The following RASSF8 variants were observed in gnomAD, a reference collection of about 807,000 sequenced individuals.
RASSF8 encodes the protein ras association domain-containing protein 8.
In RASSF8, 22 loss-of-function variants were observed where a neutral mutation model predicts 48.5. The observed-to-expected ratio is 0.45, with a 90% CI of 0.32 to 0.65. The LOEUF (loss-of-function observed/expected upper bound fraction) is 0.65, where lower values mean the gene tolerates loss of function less well. RASSF8 is among the 30% of genes least tolerant of loss of function. RASSF8 has a pLI of 0.03. For missense variants in RASSF8, 418 were observed against 489.2 expected (o/e 0.85, Z 1.37); for synonymous variants, 127 against 171.5 (o/e 0.74, Z 2.03).
rs114636408 is a variant in RASSF8, at chr12:26,067,179, G to A, written c.994-390G>A. On this transcript the variant is annotated intron_variant, in intron 4 of 5. Coordinates refer to ENST00000689635, the MANE Select transcript of RASSF8 (RefSeq NM_001394098.1). ...AGCAAGATTGCTGCAACACAGAGAT[G>A]GGTAAAAACCTGTGGGGTTTTTTCT... Among the ~76,000 whole-genome samples the A allele has an allele frequency of 1.8e-3, 272 of 152,322 alleles. 1 individual carries two copies. The highest frequency in any genetic ancestry group is 6.3e-3 in the African/African-American group (263 of 41,580).
Position 26,069,754 on chromosome 12 carries a change from C to G in RASSF8, c.*936C>G, listed in dbSNP as rs1226874087. The G allele has an allele frequency of 1.0e-6, 1 of 985,122 alleles. No individual in the cohort carries two copies. Among genetic ancestry groups the G allele is most frequent in the African/African-American group, 1.7e-5 (1 of 57,200 alleles). The allele number at this position is 985,122 out of a possible 1,614,324, so 61.0% of individuals were successfully genotyped here. A position where few individuals can be genotyped will look rare whatever the true frequency, so the allele number is the denominator to read the frequency against. ...CTTTAAGTGATGTATTTTAAAATAA[C>G]CCGCTTCATATGTATGATCTGTTGG... is the stretch of plus-strand genomic sequence containing the variant. On this transcript the variant is annotated 3_prime_UTR_variant, in exon 6 of 6. Coordinates refer to ENST00000689635, the MANE Select transcript of RASSF8 (RefSeq NM_001394098.1).
rs1291880035 is a variant in RASSF8, at chr12:26,064,846, T to G, written c.452T>G (p.Phe151Cys). 20 of 1,614,012 alleles carry G rather than the reference T, an allele frequency of 1.2e-5. No individual in the cohort carries two copies. Among genetic ancestry groups the G allele is most frequent in the Non-Finnish European group, 1.7e-5 (20 of 1,180,018 alleles). The change falls in exon 4 of 6, where the codon TTT becomes TGT. Residue 151 changes from phenylalanine to cysteine, a missense_variant. By Grantham distance (205) the Phe-to-Cys change is radical. Coordinates refer to ENST00000689635, the MANE Select transcript of RASSF8 (RefSeq NM_001394098.1). ...DIFGKGKETE[F>C]KQKVLNNCKT... Reference sequence around the variant, plus strand: ...TTTGGAAAAGGTAAAGAAACTGAGTTTAAGCAAAAGGTGCTGAATAACTGC... The same window carrying G: ...TTTGGAAAAGGTAAAGAAACTGAGTGTAAGCAAAAGGTGCTGAATAACTGC...
intron 2 of RASSF8, among the ~76,000 whole-genome samples, chr12:26,049,951 A>AT (rs1378904113): frequency 1.3e-5 from 2 of 152,004 alleles, no homozygotes; most frequent in Non-Finnish European, 2.9e-5. Flanking sequence ...CGCCCGGCTA[A>AT]TTTTTTGTAT....
intron 2 of RASSF8, among the ~76,000 whole-genome samples, chr12:26,009,075 A>T (rs1050963325): frequency 1.3e-5 from 2 of 152,180 alleles, no homozygotes; most frequent in East Asian, 3.8e-4. Flanking sequence ...AGCATTCCCA[A>T]GTTTCAAGTT....
chr12:26,011,299 T>TA (rs1942518581), intron 2 of RASSF8, among the ~76,000 whole-genome samples: 1 of 152,168 alleles, frequency 6.6e-6, no homozygotes, highest in Admixed American at 6.5e-5. Context: ...AGGTACTGAC[T>TA]GTAGCCAGGA....
intron 1 of RASSF8, among the ~76,000 whole-genome samples, chr12:25,971,406 T>G (rs1274514471): frequency 2.0e-5 from 3 of 152,182 alleles, no homozygotes; most frequent in Non-Finnish European, 4.4e-5. Flanking sequence ...TTTGGCCTCC[T>G]GAACTAACAT....
intron 2 of RASSF8, among the ~76,000 whole-genome samples, chr12:26,015,308 C>G (rs1484031701): frequency 6.6e-6 from 1 of 151,964 alleles, no homozygotes; most frequent in Non-Finnish European, 1.5e-5. Context: ...TTGAGGAGCA[C>G]TTTGTCATGG....
rs1015042159 is a variant in RASSF8, at chr12:25,998,325, A to G, written c.-109+3195A>G. ...TTAGATATCTTTCACAAAGGACTGT[A>G]GAATATTGTTTCTGAAGACAAAGCT... On this transcript the variant is annotated intron_variant, in intron 2 of 5. Transcript: ENST00000689635. Among the ~76,000 whole-genome samples the G allele has an allele frequency of 5.9e-5, 9 of 151,686 alleles. No individual in the cohort carries two copies. In the South Asian group the frequency reaches 1.9e-3, roughly 32 times the overall value.
chr12:25,966,256 A>C (rs1287128044), intron 1 of RASSF8, among the ~76,000 whole-genome samples: 2 of 151,826 alleles, frequency 1.3e-5, no homozygotes, highest in Non-Finnish European at 2.9e-5. Flanking sequence ...TAAAATTTTT[A>C]TTTTTTTAAT....
In RASSF8 at chr12:25,958,894, C is replaced by G. The variant is rs1341416826; in HGVS notation, c.-457C>G. The G allele has an allele frequency of 2.7e-5, 4 of 147,030 alleles. No individual in the cohort carries two copies. The South Asian group carries it at 8.3e-4, about 30-fold the overall frequency. The allele number at this position is 147,030 out of a possible 1,614,324, so 9.1% of individuals were successfully genotyped here. ...GTCTCTGCCGCTGGCCGAGCGCTCG[C>G]GCACCGCGGCACCCCCGCCAGTGGC... On this transcript the variant is annotated 5_prime_UTR_variant, in exon 1 of 6. Transcript: ENST00000689635.
At chr12:25,978,979 G>T (rs1264314842) in intron 1 of RASSF8, among the ~76,000 whole-genome samples, 1 of 152,118 alleles carries the variant, frequency 6.6e-6, no homozygotes, top group African/African-American at 2.4e-5. Flanking sequence ...AGTACTTCAT[G>T]CTAGTTAAAT....
chr12:26,067,829 T>TA, intron 5 of RASSF8, 116 bp downstream of exon 5: 1 of 1,320,968 alleles, frequency 7.6e-7, no homozygotes, highest in Non-Finnish European at 1.0e-6. Flanking sequence ...CCAGGGGTAT[T>TA]ACCACGGCTT....
chr12:25,972,942 A>C (rs1941516570), intron 1 of RASSF8, among the ~76,000 whole-genome samples: 1 of 152,188 alleles, frequency 6.6e-6, no homozygotes, highest in Admixed American at 6.5e-5. Flanking sequence ...ATGAAATCAT[A>C]CAACATGTAC....
intron 1 of RASSF8, among the ~76,000 whole-genome samples, chr12:25,994,383 G>C (rs1942084452): frequency 6.6e-6 from 1 of 152,148 alleles, no homozygotes. Context: ...GAATGTGGCA[G>C]ACATATGAAT....
intron 1 of RASSF8, among the ~76,000 whole-genome samples, chr12:25,994,027 A>G (rs1942074713): frequency 6.6e-6 from 1 of 152,182 alleles, no homozygotes; most frequent in Non-Finnish European, 1.5e-5. Flanking sequence ...ATTCAGGGCT[A>G]TAGCAGCTGT....
chr12:26,025,135 G>A (rs886515024), intron 2 of RASSF8, among the ~76,000 whole-genome samples: 4 of 152,236 alleles, frequency 2.6e-5, no homozygotes, highest in South Asian at 2.1e-4. Context: ...ATAAACACAC[G>A]CACACACGCA....
intron 1 of RASSF8, chr12:25,973,917 A>G (rs560853391): frequency 6.6e-6 from 1 of 152,324 alleles, no homozygotes; most frequent in South Asian, 2.1e-4. Context: ...GTATTTTGTT[A>G]AAGCAGCCCA....
intron 2 of RASSF8, among the ~76,000 whole-genome samples, chr12:26,020,900 A>G (rs1007291153): frequency 6.6e-6 from 1 of 152,224 alleles, no homozygotes; most frequent in African/African-American, 2.4e-5. Flanking sequence ...AAAGTAAAAC[A>G]ACATGTGTAT....
At chr12:26,006,146 C>G (rs1455465824) in intron 2 of RASSF8, among the ~76,000 whole-genome samples, 2 of 152,174 alleles carry the variant, frequency 1.3e-5, no homozygotes, top group Admixed American at 6.5e-5. Context: ...GGAAGGGCAG[C>G]CTTGATTTCT....
Sources: gnomAD v4.1 joint callset for allele counts (sites outside exome capture counted in the v4.1 genomes callset) on GRCh38, gnomAD v4.1.1 for gene constraint, MANE v1.5 for transcripts, NCBI Gene and HGNC (gene_info 2026-07-23, HGNC 2026-07-21) for gene names.